The following SATB2 variants were observed in gnomAD, a reference collection of about 807,000 sequenced individuals.
SATB2 encodes the protein SATB homeobox 2, also known as DNA-binding protein SATB2.
Under a neutral mutation model 73.4 loss-of-function variants are expected in SATB2, and 1 was observed. The ratio of observed to expected loss-of-function variants is 0.01; its 90% CI spans 0.00 to 0.06. The LOEUF (loss-of-function observed/expected upper bound fraction) is 0.06. Among genes scored for constraint, SATB2 ranks in the 10% least tolerant of loss-of-function variants. The probability of loss-of-function intolerance (pLI) is 1.00; values close to 1 mark genes in which losing one functional copy is unlikely to be tolerated. For missense variants in SATB2, 459 were observed against 945.8 expected, an observed-to-expected ratio of 0.49 and a Z score of 6.75; for synonymous variants, 397 against 367.0, an observed-to-expected ratio of 1.08 and a Z score of -0.93.
rs1261194002 is a variant in SATB2 at position 199,340,449 on chromosome 2, T to C, written c.1173+8252A>G. Among the ~76,000 whole-genome samples the C allele has an allele frequency of 2.0e-5, 3 of 152,164 alleles. No individual in the cohort carries two copies. In the South Asian group the frequency reaches 6.2e-4, roughly 31 times the overall value. ...AGGAGCAAGATACCAAATTAGAGAC[T>C]TACTGTTACAAAAGAATAGCACATT... On this transcript the variant is annotated intron_variant, in intron 7 of 10. Coordinates refer to ENST00000417098, the MANE Select transcript of SATB2 (RefSeq NM_001172509.2).
chr2:199,391,653 C>T (rs563154967), intron 3 of SATB2, among the ~76,000 whole-genome samples: 35 of 152,036 alleles, frequency 2.3e-4, no homozygotes, highest in African/African-American at 8.4e-4. Flanking sequence ...TTAAAATATT[C>T]CGCTACCATT....
At chr2:199,277,959 C>T (rs1692367416) in intron 10 of SATB2, among the ~76,000 whole-genome samples, 1 of 151,876 alleles carries the variant, frequency 6.6e-6, no homozygotes, top group Admixed American at 6.6e-5. Context: ...AAGCCCATGC[C>T]CTTAAACATT....
chr2:199,317,324 C>T (rs75415071), intron 9 of SATB2, among the ~76,000 whole-genome samples: 1 of 152,016 alleles, frequency 6.6e-6, no homozygotes, highest in Non-Finnish European at 1.5e-5. Flanking sequence ...TAGATACCAA[C>T]ATTCTCCCAC....
At chr2:199,372,364 G>C (rs1689474649) in intron 5 of SATB2, among the ~76,000 whole-genome samples, 1 of 152,122 alleles carries the variant, frequency 6.6e-6, no homozygotes, top group Non-Finnish European at 1.5e-5. Context: ...CAAACTGCAA[G>C]AGAATAAATT....
chr2:199,307,271 T>C (rs1354014900), intron 10 of SATB2, among the ~76,000 whole-genome samples: 2 of 152,204 alleles, frequency 1.3e-5, no homozygotes, highest in Non-Finnish European at 2.9e-5. Flanking sequence ...CTAAAACTTT[T>C]CAAATAAATT....
intron 6 of SATB2, among the ~76,000 whole-genome samples, chr2:199,356,225 C>CAAAAAAAAAAAAAAAAAAAA (rs200509001): frequency 7.9e-5 from 8 of 100,982 alleles, no homozygotes; most frequent in South Asian, 4.1e-4. Flanking sequence ...GAACATAAGC[C>CAAAAAAAAAAAAAAAAAAAA]AAAAAAAAAA....
intron 9 of SATB2, among the ~76,000 whole-genome samples, chr2:199,323,508 C>CACACACACACACACACATAT (rs372830951): frequency 1.7e-4 from 25 of 144,248 alleles, no homozygotes; most frequent in Admixed American, 2.1e-4. Context: ...CACACACACA[C>CACACACACACACACACATAT]ATATATAAAG....
Position 199,272,066 on chromosome 2 carries a change from A to C in SATB2, c.*145T>G, listed in dbSNP as rs1307295402. 14 of 774,438 alleles carry C rather than the reference A, an allele frequency of 1.8e-5. No individual in the cohort carries two copies. The highest frequency in any genetic ancestry group is 3.1e-5 in the Non-Finnish European group (14 of 455,980). 48.0% of individuals were successfully genotyped at this position (774,438 alleles called of 1,614,324 possible). A position where few individuals can be genotyped will look rare whatever the true frequency, so the allele number is the denominator to read the frequency against. On this transcript the variant is annotated 3_prime_UTR_variant, in exon 11 of 11. Transcript: ENST00000417098. This position sits in a 1 kb window ranked among gnomAD's most constrained non-coding sequence, Gnocchi z 6.7. Reference sequence around the variant, plus strand: ...CAAAGAAATGTCCAAAAGGGTAAGAAAAACAAAACAGACATAAAAAGACAA... The same window carrying C: ...CAAAGAAATGTCCAAAAGGGTAAGACAAACAAAACAGACATAAAAAGACAA...
At chr2:199,275,044 TAG>T (rs1692270165) in intron 10 of SATB2, among the ~76,000 whole-genome samples, 1 of 152,156 alleles carries the variant, frequency 6.6e-6, no homozygotes, top group South Asian at 2.1e-4. Flanking sequence ...TACTCCCCAT[TAG>T]AGCAATTGCG....
chr2:199,356,993 C>A (rs2105835279), intron 6 of SATB2, among the ~76,000 whole-genome samples: 1 of 152,222 alleles, frequency 6.6e-6, no homozygotes, highest in East Asian at 1.9e-4. Flanking sequence ...TCTTTAATGT[C>A]ATTATTTGAC....
intron 10 of SATB2, among the ~76,000 whole-genome samples, chr2:199,299,632 T>C (rs927708738): frequency 1.3e-4 from 12 of 94,490 alleles, no homozygotes; most frequent in African/African-American, 3.0e-4. Flanking sequence ...CATGTGAAAT[T>C]TTGTTTTTTT....
intron 9 of SATB2, among the ~76,000 whole-genome samples, chr2:199,314,783 C>A (rs749469854): frequency 2.0e-5 from 3 of 151,956 alleles, no homozygotes; most frequent in African/African-American, 4.8e-5. Context: ...TAAAGAATGT[C>A]ATGCAAAAAA....
At chr2:199,309,127 T>C (rs190930623) in intron 9 of SATB2, among the ~76,000 whole-genome samples, 170 bp from the exon 10 acceptor site, 24 of 152,326 alleles carry the variant, frequency 1.6e-4, no homozygotes, top group African/African-American at 5.8e-4. Context: ...CCTGACCACA[T>C]AGGTGGTTAT....
intron 5 of SATB2, among the ~76,000 whole-genome samples, chr2:199,375,752 AC>A (rs892463520): frequency 6.6e-5 from 10 of 152,236 alleles, no homozygotes; most frequent in Middle Eastern, 3.4e-3. Flanking sequence ...CACCTTTCTC[AC>A]CTAAGGTGAG....
intron 10 of SATB2, among the ~76,000 whole-genome samples, chr2:199,300,211 A>G (rs1321495500): frequency 1.3e-5 from 2 of 151,842 alleles, no homozygotes; most frequent in East Asian, 1.9e-4. Flanking sequence ...GAAGGAAGGA[A>G]GCGGAAGGGG....
intron 9 of SATB2, among the ~76,000 whole-genome samples, chr2:199,312,299 G>C (rs1687618578): frequency 6.6e-6 from 1 of 152,200 alleles, no homozygotes; most frequent in Non-Finnish European, 1.5e-5. Flanking sequence ...ACAGCTCTGT[G>C]AGTGGGCACC....
In SATB2 at chr2:199,328,876, T is replaced by C; in HGVS notation, c.1208A>G (p.Asp403Gly). ...LLSEILRKEE[D>G]PRTASQSLLV... Reference sequence around the variant, plus strand: ...AAGAGACTGAGAGGCTGTCCGAGGGTCTTCTTCCTTACGCAGAATCTCAGA... The same window carrying C: ...AAGAGACTGAGAGGCTGTCCGAGGGCCTTCTTCCTTACGCAGAATCTCAGA... The change falls in exon 8 of 11, where the codon GAC becomes GGC. Residue 403 changes from aspartate (D) to glycine (G), a missense_variant. Transcript: ENST00000417098. 1 of 1,613,824 alleles carries C rather than the reference T, an allele frequency of 6.2e-7. No individual in the cohort carries two copies. The highest frequency in any genetic ancestry group is 8.5e-7 in the Non-Finnish European group (1 of 1,179,872).
chr2:199,286,026 C>T (rs1460192371), intron 10 of SATB2, among the ~76,000 whole-genome samples: 1 of 151,572 alleles, frequency 6.6e-6, no homozygotes, highest in African/African-American at 2.4e-5. Flanking sequence ...GGCTGTTAAA[C>T]TTGGGTTTTG....
chr2:199,469,592 C>T (rs756709562), upstream of SATB2: 2 of 152,340 alleles, frequency 1.3e-5, no homozygotes, highest in Non-Finnish European at 2.9e-5. Context: ...TTATTTGACT[C>T]TTCTGTTTTC....
Sources: gnomAD v4.1 joint callset for allele counts (sites outside exome capture counted in the v4.1 genomes callset) on GRCh38, gnomAD v4.1.1 for gene constraint, Gnocchi (gnomAD v3.1) non-coding constraint, MANE v1.5 for transcripts, NCBI Gene and HGNC (gene_info 2026-07-23, HGNC 2026-07-21) for gene names.